The following LEKR1 variants were observed in gnomAD, a reference collection of about 807,000 sequenced individuals.
LEKR1 encodes protein LEKR1.
In LEKR1, 59 loss-of-function variants were observed where a neutral mutation model predicts 72.4. That is an observed-to-expected ratio of 0.82 (90% CI 0.66 to 1.01). LEKR1 has a LOEUF of 1.01. Among genes scored for constraint, LEKR1 ranks in the 50% least tolerant of loss-of-function variants. The pLI is 0.00. For synonymous variants in LEKR1, 257 were observed against 263.2 expected (o/e 0.98, Z 0.23); for missense variants, 728 against 759.2 (o/e 0.96, Z 0.48).
intron 12 of LEKR1, among the ~76,000 whole-genome samples, chr3:157,043,407 G>A (rs758177663): frequency 1.3e-5 from 2 of 150,452 alleles, no homozygotes; most frequent in Non-Finnish European, 3.0e-5. Flanking sequence ...TTGATTAATA[G>A]AACTTAGAAA....
At chr3:157,001,641 T>A (rs1732022355) in intron 9 of LEKR1, among the ~76,000 whole-genome samples, 1 of 152,198 alleles carries the variant, frequency 6.6e-6, no homozygotes, top group African/African-American at 2.4e-5. Flanking sequence ...TTTAAACCTA[T>A]CTGGTGAAAT....
At chr3:156,972,515 G>A (rs1729313177) in intron 6 of LEKR1, among the ~76,000 whole-genome samples, 1 of 151,422 alleles carries the variant, frequency 6.6e-6, no homozygotes, top group African/African-American at 2.4e-5. Flanking sequence ...AATAAATAGT[G>A]AAAAAATAAA....
At chr3:156,854,983 T>C (rs537914515) in intron 3 of LEKR1, among the ~76,000 whole-genome samples, 1 of 152,344 alleles carries the variant, frequency 6.6e-6, no homozygotes, top group East Asian at 1.9e-4. Flanking sequence ...AATTGTTCCA[T>C]GTTAATGTAT....
chr3:156,924,347 C>G (rs1351437934), intron 4 of LEKR1: 572 of 355,358 alleles, frequency 1.6e-3, no homozygotes, highest in East Asian at 1.5e-3. Context: ...TGTAAGAGTT[C>G]TTTCTATATT....
At chr3:156,975,522 C>A (rs1053579949) in intron 6 of LEKR1, among the ~76,000 whole-genome samples, 17 of 152,144 alleles carry the variant, frequency 1.1e-4, no homozygotes, top group Middle Eastern at 3.4e-3. Flanking sequence ...CTTAATGTGC[C>A]CTCCAAGTGA....
chr3:157,002,804 T>G (rs563001817), intron 9 of LEKR1, among the ~76,000 whole-genome samples: 173 of 152,286 alleles, frequency 1.1e-3, no homozygotes, highest in Non-Finnish European at 2.1e-3. Flanking sequence ...AGTGAATAAT[T>G]ATCACTTCAT....
intron 2 of LEKR1, among the ~76,000 whole-genome samples, chr3:156,849,418 A>G (rs900936280): frequency 5.9e-5 from 9 of 152,322 alleles, no homozygotes; most frequent in East Asian, 1.9e-4. Flanking sequence ...TTTAAAGTTC[A>G]TATGGAACCA....
chr3:156,983,407 A>G (rs747396075), intron 7 of LEKR1, among the ~76,000 whole-genome samples: 9 of 152,200 alleles, frequency 5.9e-5, no homozygotes, highest in Non-Finnish European at 1.0e-4. Context: ...CTAAAATTCT[A>G]TATTACAGTA....
At chr3:156,915,093 A>G (rs979309058) in intron 3 of LEKR1, among the ~76,000 whole-genome samples, 2 of 151,998 alleles carry the variant, frequency 1.3e-5, no homozygotes, top group Non-Finnish European at 2.9e-5. Context: ...CTCCAACCCC[A>G]TCCATGTTCC....
At chr3:156,962,912 C>T (rs1467920715) in intron 6 of LEKR1, among the ~76,000 whole-genome samples, 2 of 152,168 alleles carry the variant, frequency 1.3e-5, no homozygotes, top group African/African-American at 4.8e-5. Context: ...CTACCACTCT[C>T]TTTGCCTTTT....
At chr3:156,835,762 C>G (rs1003401095) in intron 2 of LEKR1, among the ~76,000 whole-genome samples, 5 of 151,436 alleles carry the variant, frequency 3.3e-5, no homozygotes, top group African/African-American at 9.7e-5. Flanking sequence ...AAAGTTCTCT[C>G]GTAAAGCCTC....
chr3:156,952,071 T>C (rs902711484), intron 6 of LEKR1, among the ~76,000 whole-genome samples: 1 of 151,524 alleles, frequency 6.6e-6, no homozygotes, highest in African/African-American at 2.4e-5. Flanking sequence ...CAAAATGATA[T>C]ATAGGGTTTT....
chr3:156,931,919 T>C (rs1407375132), intron 5 of LEKR1, among the ~76,000 whole-genome samples: 1 of 152,186 alleles, frequency 6.6e-6, no homozygotes, highest in Non-Finnish European at 1.5e-5. Context: ...ACATAGTGGA[T>C]GCATTTGCCA....
At chr3:156,835,863 CTTTTTTTTTTTTT>C (rs59061418) in intron 2 of LEKR1, among the ~76,000 whole-genome samples, 7 of 55,534 alleles carry the variant, frequency 1.3e-4, no homozygotes, top group East Asian at 1.5e-3. Flanking sequence ...CTCTGTCTCA[CTTTTTTTTTTTTT>C]TTTTTTTTTT....
chr3:156,955,429 C>T (rs1727535175), intron 6 of LEKR1, among the ~76,000 whole-genome samples: 1 of 151,920 alleles, frequency 6.6e-6, no homozygotes, highest in Non-Finnish European at 1.5e-5. Context: ...TGCCAGTTTT[C>T]CAGGGAAATA....
At chr3:156,871,958 A>C (rs935098137) in intron 3 of LEKR1, among the ~76,000 whole-genome samples, 1 of 152,124 alleles carries the variant, frequency 6.6e-6, no homozygotes, top group South Asian at 2.1e-4. Context: ...TCATAGAATG[A>C]GGCAGGGAGA....
intron 7 of LEKR1, among the ~76,000 whole-genome samples, chr3:156,985,113 A>T (rs1730561808): frequency 6.6e-6 from 1 of 152,162 alleles, no homozygotes; most frequent in Non-Finnish European, 1.5e-5. Flanking sequence ...TTTATTCAAT[A>T]CAAAATGTTT....
intron 3 of LEKR1, among the ~76,000 whole-genome samples, chr3:156,899,547 T>C (rs368930712): frequency 1.1e-5 from 1 of 94,318 alleles, no homozygotes; most frequent in Non-Finnish European, 2.1e-5. Context: ...TATACATATA[T>C]ACACATATAT....
intron 7 of LEKR1, among the ~76,000 whole-genome samples, chr3:156,980,814 C>T (rs1447824601): frequency 6.6e-6 from 1 of 152,126 alleles, no homozygotes; most frequent in Non-Finnish European, 1.5e-5. Flanking sequence ...AGGAAAGAAG[C>T]TTAACATAGA....
Sources: gnomAD v4.1 joint callset for allele counts (sites outside exome capture counted in the v4.1 genomes callset) on GRCh38, gnomAD v4.1.1 for gene constraint, MANE v1.5 for transcripts, NCBI Gene and HGNC (gene_info 2026-07-23, HGNC 2026-07-21) for gene names.